The following SND1 variants were observed in gnomAD, a reference collection of about 807,000 sequenced individuals.
The protein encoded by SND1 is staphylococcal nuclease domain-containing protein 1.
In SND1, 38 loss-of-function variants were observed where a neutral mutation model predicts 121.7. The ratio of observed to expected loss-of-function variants is 0.31; its 90% CI spans 0.24 to 0.41. SND1 has a LOEUF of 0.41. SND1 is among the 10% of genes least tolerant of loss of function. SND1 has a pLI of 1.00. For missense variants in SND1, 868 were observed against 1,184.6 expected, an observed-to-expected ratio of 0.73 and a Z score of 3.92; for synonymous variants, 401 against 447.4, an observed-to-expected ratio of 0.90 and a Z score of 1.31.
intron 10 of SND1, among the ~76,000 whole-genome samples, chr7:127,767,682 T>C (rs142366856): frequency 3.3e-5 from 5 of 152,330 alleles, no homozygotes; most frequent in African/African-American, 1.2e-4. Context: ...TGATCAGTGC[T>C]GGGGACCAGA....
intron 12 of SND1, among the ~76,000 whole-genome samples, chr7:127,884,596 C>G (rs968770909): frequency 6.6e-6 from 1 of 152,114 alleles, no homozygotes; most frequent in African/African-American, 2.4e-5. Flanking sequence ...GCCCGTAGCT[C>G]AGATGTTCCC....
intron 1 of SND1, among the ~76,000 whole-genome samples, chr7:127,663,288 T>C (rs1469347373): frequency 6.6e-6 from 1 of 152,200 alleles, no homozygotes; most frequent in Admixed American, 6.5e-5. Flanking sequence ...AATTTTTTTA[T>C]TGTTGCATTG....
intron 8 of SND1, among the ~76,000 whole-genome samples, chr7:127,706,555 G>A (rs1796205319): frequency 6.6e-6 from 1 of 152,002 alleles, no homozygotes; most frequent in Non-Finnish European, 1.5e-5. Context: ...ACTGTGCCTG[G>A]CCCAGTATCT....
chr7:128,027,774 G>A (rs995546441), intron 16 of SND1: 1 of 152,228 alleles, frequency 6.6e-6, no homozygotes, highest in Admixed American at 6.5e-5. Flanking sequence ...GGCCTCCTGT[G>A]AATACATTCT....
chr7:127,727,200 CTTTG>C (rs564058707), intron 10 of SND1, among the ~76,000 whole-genome samples: 78 of 152,276 alleles, frequency 5.1e-4, no homozygotes, highest in Middle Eastern at 3.4e-3. Flanking sequence ...TCCTTGTTGC[CTTTG>C]TTTGGGGAGT....
At chr7:127,708,226 T>C (rs1195722651) in intron 9 of SND1, among the ~76,000 whole-genome samples, 1 of 152,172 alleles carries the variant, frequency 6.6e-6, no homozygotes, top group Non-Finnish European at 1.5e-5. Context: ...TAGGCCAAGC[T>C]ATGATGTTTG....
intron 10 of SND1, among the ~76,000 whole-genome samples, chr7:127,806,648 T>A (rs1798243798): frequency 6.6e-6 from 1 of 152,176 alleles, no homozygotes; most frequent in African/African-American, 2.4e-5. Flanking sequence ...TCACATGTAT[T>A]AGCATAGCAC....
At chr7:127,738,288 T>G (rs1796815812) in intron 10 of SND1, among the ~76,000 whole-genome samples, 1 of 146,134 alleles carries the variant, frequency 6.8e-6, no homozygotes, top group Non-Finnish European at 1.5e-5. Context: ...TTTTTTTTCT[T>G]TTTTTTTTTT....
intron 15 of SND1, among the ~76,000 whole-genome samples, chr7:127,985,403 G>A (rs1425827190): frequency 2.6e-5 from 4 of 152,112 alleles, no homozygotes; most frequent in African/African-American, 7.2e-5. Context: ...CCCTACAGGC[G>A]CACACCACCA....
At chr7:127,821,617 G>C (rs1798550899) in intron 11 of SND1, among the ~76,000 whole-genome samples, 1 of 151,758 alleles carries the variant, frequency 6.6e-6, no homozygotes. Context: ...TTTAAATTTA[G>C]TTTTTAAACT....
At chr7:127,901,295 C>A (rs1460253927) in intron 13 of SND1, among the ~76,000 whole-genome samples, 3 of 152,118 alleles carry the variant, frequency 2.0e-5, no homozygotes, top group South Asian at 4.1e-4. Context: ...ATGGTACTCT[C>A]CCTTTGCAGA....
At chr7:128,071,237 A>G (rs1054661067) in intron 16 of SND1, among the ~76,000 whole-genome samples, 9 of 152,250 alleles carry the variant, frequency 5.9e-5, no homozygotes, top group African/African-American at 2.2e-4. Flanking sequence ...TGAGCCAGCA[A>G]CACATATTAG....
At chr7:127,664,702 G>A (rs1278917656) in intron 1 of SND1, among the ~76,000 whole-genome samples, 1 of 152,194 alleles carries the variant, frequency 6.6e-6, no homozygotes, top group Non-Finnish European at 1.5e-5. Flanking sequence ...GTCATTAAGG[G>A]TGGCTTGAGC....
chr7:127,715,177 A>G (rs1022387289), intron 9 of SND1, among the ~76,000 whole-genome samples: 16 of 129,168 alleles, frequency 1.2e-4, no homozygotes, highest in African/African-American at 4.6e-4. Context: ...TTTTTTTTTT[A>G]TAGTGGCCGC....
At chr7:127,942,890 GA>G (rs1374060926) in intron 15 of SND1, among the ~76,000 whole-genome samples, 1 of 152,160 alleles carries the variant, frequency 6.6e-6, no homozygotes, top group Non-Finnish European at 1.5e-5. Context: ...CATTAATTCA[GA>G]ACCTGATCCC....
chr7:127,715,548 C>G (rs1023923229), intron 9 of SND1, among the ~76,000 whole-genome samples: 4 of 152,062 alleles, frequency 2.6e-5, no homozygotes, highest in African/African-American at 9.7e-5. Flanking sequence ...TGCTTAGCTC[C>G]CACTTGTAAG....
chr7:128,081,930 T>G (rs1793609438), intron 18 of SND1: 1 of 535,706 alleles, frequency 1.9e-6, no homozygotes, highest in Non-Finnish European at 3.8e-6. Context: ...CAAGGAGTGG[T>G]GCTGGGTTTG....
rs765985025 is a variant in SND1, at chr7:128,030,685, G to C, written c.1779+39629G>C. The C allele has an allele frequency of 3.9e-6, 6 of 1,523,118 alleles. No homozygotes were observed. In the African/African-American group the frequency reaches 8.3e-5, roughly 21 times the overall value. 94.4% of individuals were successfully genotyped at this position (1,523,118 alleles called of 1,614,324 possible). On this transcript the variant is annotated intron_variant, in intron 16 of 23. Coordinates refer to ENST00000354725, the MANE Select transcript of SND1 (RefSeq NM_014390.4). The stretch of plus-strand genomic sequence containing the variant: ...TCACCATCGCCTGGGATTTTGGCTC[G>C]GAAAGGAGAACCAGCCCTACCCCGG...
rs548531731 is a variant in SND1 at position 127,658,209 on chromosome 7, G to A, written c.78+5758G>A. ...GCGCGCCTGTAGTCCCAGGTATTCCGGAGGCTGAGGCAGGAGAATCACTTG... is the reference window on the plus strand; with the variant it reads ...GCGCGCCTGTAGTCCCAGGTATTCCAGAGGCTGAGGCAGGAGAATCACTTG... On this transcript the variant is annotated intron_variant, in intron 1 of 23. Coordinates refer to ENST00000354725, the MANE Select transcript of SND1 (RefSeq NM_014390.4). 6.6e-5 allele frequency among the ~76,000 whole-genome samples: 10 copies of A among 152,260 alleles called. No individual in the cohort carries two copies. In the East Asian group the frequency reaches 9.7e-4, roughly 15 times the overall value.
Sources: allele counts gnomAD v4.1 joint callset (sites outside exome capture counted in the v4.1 genomes callset), GRCh38; gene constraint gnomAD v4.1.1; transcripts MANE v1.5; gene names NCBI Gene and HGNC (gene_info 2026-07-23, HGNC 2026-07-21).